IQCH: variants seen among roughly 807,000 people sequenced by gnomAD.
IQCH encodes IQ domain-containing protein H.
Under a neutral mutation model 117.0 loss-of-function variants are expected in IQCH, and 98 were observed. The observed-to-expected ratio is 0.84, with a 90% CI of 0.71 to 0.99. The LOEUF (loss-of-function observed/expected upper bound fraction) is 0.99. Ranked by LOEUF, IQCH falls within the 50% of genes least tolerant of loss-of-function variation. IQCH has a pLI of 0.00. For synonymous variants in IQCH, 412 were observed against 448.2 expected (o/e 0.92, Z 1.02); for missense variants, 1,102 against 1,243.8 (o/e 0.89, Z 1.72).
At chr15:67,419,216 A>G (rs993826137) in intron 15 of IQCH, among the ~76,000 whole-genome samples, 3 of 152,160 alleles carry the variant, frequency 2.0e-5, no homozygotes, top group Admixed American at 1.3e-4. Flanking sequence ...GGACTTGGGG[A>G]AAATCACACC....
chr15:67,299,191 T>C (rs1411725106), intron 4 of IQCH, among the ~76,000 whole-genome samples: 1 of 152,036 alleles, frequency 6.6e-6, no homozygotes, highest in Admixed American at 6.6e-5. Context: ...TCACATGTTC[T>C]CACTTATTTG....
At chr15:67,261,902 A>G (rs1453438645) in intron 2 of IQCH, among the ~76,000 whole-genome samples, 11 of 152,118 alleles carry the variant, frequency 7.2e-5, no homozygotes, top group Admixed American at 7.2e-4. Flanking sequence ...CCTGGGCAAC[A>G]TGGCGAAACC....
In IQCH at chr15:67,372,111, G is replaced by C; in HGVS notation, c.754G>C (p.Ala252Pro). The change falls in exon 9 of 21, where the codon GCC (alanine) becomes CCC (proline). Residue 252 changes from alanine (A) to proline (P), a missense_variant and splice_region_variant. By Grantham distance (27) the Ala-to-Pro change is conservative. Coordinates refer to ENST00000335894, the MANE Select transcript of IQCH (RefSeq NM_001031715.3). The stretch of plus-strand genomic sequence containing the variant: ...AAAATATATTTCTTTTTTTCCACAG[G>C]CCATGAAAGTCAAAACACCTTTGAG... ...RRSRGHHDRK[A>P]MKVKTPLRAL... The C allele has an allele frequency of 6.3e-7, 1 of 1,596,398 alleles. No individual in the cohort carries two copies. The highest frequency in any genetic ancestry group is 8.5e-7 in the Non-Finnish European group (1 of 1,173,474).
chr15:67,264,975 G>A (rs2140438982), intron 3 of IQCH, among the ~76,000 whole-genome samples: 1 of 152,180 alleles, frequency 6.6e-6, no homozygotes, highest in Non-Finnish European at 1.5e-5. Flanking sequence ...ATAGCAGATA[G>A]AGAAGGTGTG....
Position 67,422,353 on chromosome 15 carries a change from TGAGA to T in IQCH, c.2505+779_2505+782del, listed in dbSNP as rs917980781. Among the ~76,000 whole-genome samples the T allele has an allele frequency of 1.3e-4, 20 of 152,304 alleles. No homozygotes were observed. The highest frequency in any genetic ancestry group is 4.8e-4 in the African/African-American group (20 of 41,554). On this transcript the variant is annotated intron_variant, in intron 16 of 20. Coordinates refer to ENST00000335894, the MANE Select transcript of IQCH (RefSeq NM_001031715.3). This position sits in a 1 kb window ranked among gnomAD's most constrained non-coding sequence, Gnocchi z 4.7. ...TCATTTTTTTCTTTAAAAAACGTACTGAGAGATACCTCATAAATATAAAAAGGTC... is the reference window on the plus strand; with the variant it reads ...TCATTTTTTTCTTTAAAAAACGTACTGATACCTCATAAATATAAAAAGGTC...
rs577008269 is a variant in IQCH at position 67,377,280 on chromosome 15, T to G, written c.1372+3847T>G. On this transcript the variant is annotated intron_variant, in intron 10 of 20. Coordinates refer to ENST00000335894, the MANE Select transcript of IQCH (RefSeq NM_001031715.3). Reference sequence around the variant, plus strand: ...GCTGTCAAAAAAACCTGATTTGCCTTGTAATTTTATAAGATGATAAAGAAA... The same window carrying G: ...GCTGTCAAAAAAACCTGATTTGCCTGGTAATTTTATAAGATGATAAAGAAA... Among the ~76,000 whole-genome samples the G allele has an allele frequency of 7.4e-4, 113 of 152,236 alleles. 1 individual carries two copies. The highest frequency in any genetic ancestry group is 2.6e-3 in the African/African-American group (110 of 41,576).
chr15:67,455,487 T>C (rs932763060), intron 16 of IQCH, among the ~76,000 whole-genome samples: 1 of 152,222 alleles, frequency 6.6e-6, no homozygotes, highest in African/African-American at 2.4e-5. Context: ...AAGGTTGTTC[T>C]TTATTTAAAA....
intron 6 of IQCH, among the ~76,000 whole-genome samples, chr15:67,353,158 A>G (rs1187865893): frequency 6.6e-6 from 1 of 151,080 alleles, no homozygotes; most frequent in African/African-American, 2.4e-5. Context: ...AAAAAAAAAT[A>G]AAGAAAAAAG....
At chr15:67,328,376 CTTCAG>C (rs1437835677) in intron 4 of IQCH, among the ~76,000 whole-genome samples, 1 of 152,058 alleles carries the variant, frequency 6.6e-6, no homozygotes, top group Admixed American at 6.5e-5. Flanking sequence ...TCTTTTTCTT[CTTCAG>C]TTGAGATAAT....
At position 67,453,111 on chromosome 15, in the gene IQCH, T is replaced by C. The variant is rs2082572958; in HGVS notation, c.2506-12016T>C. Among the ~76,000 whole-genome samples, 1 of 152,226 alleles carries C rather than the reference T, an allele frequency of 6.6e-6. No homozygotes were observed. Among genetic ancestry groups the C allele is most frequent in the Admixed American group, 6.5e-5 (1 of 15,282 alleles). On this transcript the variant is annotated intron_variant, in intron 16 of 20. Transcript: ENST00000335894. The surrounding 1 kb of genome is among the most constrained non-coding windows in gnomAD (Gnocchi z 5.8). ...AAGGACTTCTCTGCATTGGTTATTC[T>C]AGTTATCCATTCGTCTAATTTTTTT...
At position 67,465,241 on chromosome 15, in the gene IQCH, C is replaced by T. The variant is rs370446454; in HGVS notation, c.2620C>T (p.Arg874Cys). The T allele has an allele frequency of 3.7e-5, 59 of 1,613,906 alleles. No homozygotes were observed. The highest frequency in any genetic ancestry group is 2.9e-4 in the African/African-American group (22 of 74,854). Reference sequence around the variant, plus strand: ...CAGTTTGAGCACCCTGGAAGTGCCCCGCTTTGTTCCAAAGGAAAGGAAGAA... The same window carrying T: ...CAGTTTGAGCACCCTGGAAGTGCCCTGCTTTGTTCCAAAGGAAAGGAAGAA... ...DCSLSTLEVP[R>C]FVPKERKKTK... The change falls in exon 17 of 21, where the codon CGC becomes TGC. Residue 874 changes from arginine to cysteine, a missense_variant. Arg to Cys is a radical substitution (Grantham distance 180, BLOSUM62 -3). Coordinates refer to ENST00000335894, the MANE Select transcript of IQCH (RefSeq NM_001031715.3). The surrounding 1 kb of genome is among the most constrained non-coding windows in gnomAD (Gnocchi z 5.9).
At chr15:67,444,526 T>C (rs1468370445) in intron 16 of IQCH, among the ~76,000 whole-genome samples, 1 of 152,160 alleles carries the variant, frequency 6.6e-6, no homozygotes, top group Non-Finnish European at 1.5e-5. Flanking sequence ...AAAACCTGCA[T>C]CTCAGCAGAG....
intron 16 of IQCH, among the ~76,000 whole-genome samples, chr15:67,461,464 A>G (rs2082792097): frequency 6.6e-6 from 1 of 152,198 alleles, no homozygotes; most frequent in African/African-American, 2.4e-5. Context: ...CATCCCCTAA[A>G]GGGCTGACAG....
At chr15:67,296,297 G>C (rs1447597703) in intron 4 of IQCH, among the ~76,000 whole-genome samples, 1 of 152,174 alleles carries the variant, frequency 6.6e-6, no homozygotes, top group African/African-American at 2.4e-5. Flanking sequence ...ACACTGAAGA[G>C]GGAAGAGGAA....
At chr15:67,352,254 C>T (rs1007813732) in intron 6 of IQCH, among the ~76,000 whole-genome samples, 1 of 152,066 alleles carries the variant, frequency 6.6e-6, no homozygotes, top group Non-Finnish European at 1.5e-5. Flanking sequence ...AACATTTTAA[C>T]TCCATCTCCC....
chr15:67,414,805 T>C (rs1218303609), intron 14 of IQCH, among the ~76,000 whole-genome samples: 1 of 152,128 alleles, frequency 6.6e-6, no homozygotes, highest in Non-Finnish European at 1.5e-5. Context: ...TGTCTTGGTA[T>C]GAATGACCAC....
At chr15:67,273,216 G>A (rs535005219) in intron 3 of IQCH, among the ~76,000 whole-genome samples, 71 of 150,796 alleles carry the variant, frequency 4.7e-4, no homozygotes, top group Admixed American at 5.9e-4. Flanking sequence ...GATTACAGGC[G>A]CCTGCCACCA....
intron 3 of IQCH, among the ~76,000 whole-genome samples, chr15:67,277,450 G>T (rs1364301102): frequency 2.6e-5 from 4 of 151,676 alleles, no homozygotes; most frequent in Non-Finnish European, 5.9e-5. Context: ...CAGTGTGAGG[G>T]TTTATGTTTA....
Position 67,359,407 on chromosome 15 carries a change from A to G in IQCH, c.715-440A>G, listed in dbSNP as rs1596254285. Among the ~76,000 whole-genome samples the G allele has an allele frequency of 6.6e-6, 1 of 152,188 alleles. No individual in the cohort carries two copies. The highest frequency in any genetic ancestry group is 1.9e-4 in the East Asian group (1 of 5,194). On this transcript the variant is annotated intron_variant, in intron 7 of 20. Transcript: ENST00000335894. The surrounding 1 kb of genome is among the most constrained non-coding windows in gnomAD (Gnocchi z 4.5). Reference sequence around the variant, plus strand: ...TACAGCATTTCTAAATTGACTCTTCAATGGTAAATGTAATTTTTCACATAT... The same window carrying G: ...TACAGCATTTCTAAATTGACTCTTCGATGGTAAATGTAATTTTTCACATAT...
Sources: allele counts gnomAD v4.1 joint callset (sites outside exome capture counted in the v4.1 genomes callset), GRCh38; gene constraint gnomAD v4.1.1; non-coding constraint Gnocchi (gnomAD v3.1); transcripts MANE v1.5; gene names NCBI Gene and HGNC (gene_info 2026-07-23, HGNC 2026-07-21).